Variants in TRPC5 observed in about 807,000 individuals in gnomAD.
TRPC5 encodes short transient receptor potential channel 5.
In TRPC5, 9 loss-of-function variants were observed where a neutral mutation model predicts 56.5. The ratio of observed to expected loss-of-function variants is 0.16; its 90% CI spans 0.10 to 0.28. TRPC5 has a LOEUF of 0.28. Among genes scored for constraint, TRPC5 ranks in the 10% least tolerant of loss-of-function variants. The probability of loss-of-function intolerance (pLI) is 1.00; values close to 1 mark genes in which losing one functional copy is unlikely to be tolerated. For synonymous variants in TRPC5, 282 were observed against 278.5 expected, an observed-to-expected ratio of 1.01 and a Z score of -0.13; for missense variants, 469 against 748.9, an observed-to-expected ratio of 0.63 and a Z score of 4.36.
intron 7 of TRPC5, among the ~76,000 whole-genome samples, chrX:111,811,597 G>C (rs187948336): frequency 5.4e-5 from 6 of 111,441 alleles, no homozygotes; most frequent in East Asian, 5.6e-4. Context: ...AGAGGTTTTG[G>C]GGGGGAGTCA....
In TRPC5 at chrX:111,887,720, T is replaced by A. The variant is rs1407934512; in HGVS notation, c.900+24571A>T. Among the ~76,000 whole-genome samples the A allele has an allele frequency of 1.1e-4, 12 of 111,781 alleles. No homozygotes were observed. The South Asian group carries it at 4.5e-3, about 42-fold the overall frequency. On this transcript the variant is annotated intron_variant, in intron 3 of 10. Transcript: ENST00000262839. ...ATACCATGTGAAAGCACTAGAAACA[T>A]AAAACGCTATAAAAATGTAAGGAAT...
Position 111,823,779 on chromosome X carries a change from C to CA in TRPC5, c.1896+11141dup, listed in dbSNP as rs760097421. On this transcript the variant is annotated intron_variant, in intron 7 of 10. Coordinates refer to ENST00000262839, the MANE Select transcript of TRPC5 (RefSeq NM_012471.3). ...TGGTTAGGACCTAGGGAACAGTCAGCAAGTTAGTCAACCAGGGGGAAGCAT... is the reference window on the plus strand; with the variant it reads ...TGGTTAGGACCTAGGGAACAGTCAGCAAAGTTAGTCAACCAGGGGGAAGCAT... Among the ~76,000 whole-genome samples, 5 of 111,010 alleles carry CA rather than the reference C, an allele frequency of 4.5e-5. No individual in the cohort carries two copies. The South Asian group carries it at 1.9e-3, about 43-fold the overall frequency.
chrX:111,825,719 G>A (rs1412396355), intron 7 of TRPC5, among the ~76,000 whole-genome samples: 1 of 112,034 alleles, frequency 8.9e-6, no homozygotes, highest in Non-Finnish European at 1.9e-5. Flanking sequence ...AAGAGGTAGT[G>A]TTCTTAGATC....
At chrX:112,044,011 G>T (rs1216221489) in intron 1 of TRPC5, among the ~76,000 whole-genome samples, 1 of 111,609 alleles carries the variant, frequency 9.0e-6, no homozygotes, top group Non-Finnish European at 1.9e-5. Flanking sequence ...TTATTTTCTT[G>T]AAGTTATTTT....
chrX:111,947,829 AAGAG>A lies in TRPC5; in HGVS notation c.378+4210_378+4213del, dbSNP rs766174505. ...CTAGTGATGTAATACAGCAGTGAAC[AAGAG>A]AGAGAAAGTCCTGCTCTCTTAGTAC... On this transcript the variant is annotated intron_variant, in intron 2 of 10. Coordinates refer to ENST00000262839, the MANE Select transcript of TRPC5 (RefSeq NM_012471.3). Among the ~76,000 whole-genome samples the A allele has an allele frequency of 2.7e-5, 3 of 112,014 alleles. No individual in the cohort carries two copies. In the East Asian group the frequency reaches 8.4e-4, roughly 31 times the overall value.
At chrX:111,973,467 A>G (rs1019446808) in intron 1 of TRPC5, among the ~76,000 whole-genome samples, 1 of 112,022 alleles carries the variant, frequency 8.9e-6, no homozygotes, top group Admixed American at 9.5e-5. Context: ...GAGAGAAAAA[A>G]GTGGTGAAAC....
At chrX:112,001,828 T>C (rs73266332) in intron 1 of TRPC5, among the ~76,000 whole-genome samples, 1,583 of 112,313 alleles carry the variant, frequency 0.014, 15 homozygotes, top group Middle Eastern at 0.028. Context: ...TTCACTGCTA[T>C]ATCCTAAGCA....
At chrX:112,063,003 T>C (rs915840784) in intron 1 of TRPC5, among the ~76,000 whole-genome samples, 35 of 111,618 alleles carry the variant, frequency 3.1e-4, no homozygotes, top group African/African-American at 1.1e-3. Context: ...GTGACTTAAT[T>C]ATATATATGG....
intron 7 of TRPC5, among the ~76,000 whole-genome samples, chrX:111,834,536 T>C (rs761872144): frequency 2.0e-4 from 22 of 111,502 alleles, no homozygotes; most frequent in African/African-American, 6.8e-4. Flanking sequence ...TTGTAGTGAA[T>C]AGGGAGATAG....
intron 2 of TRPC5, among the ~76,000 whole-genome samples, chrX:111,929,578 C>T (rs1926351876): frequency 8.9e-6 from 1 of 112,253 alleles, no homozygotes; most frequent in Non-Finnish European, 1.9e-5. Context: ...GACATTCCTG[C>T]CTGTGGAATT....
rs1218145200 is a variant in TRPC5 at position 111,772,848 on chromosome X, C to T, written c.*3465G>A. Among the ~76,000 whole-genome samples, 1 of 111,145 alleles carries T rather than the reference C, an allele frequency of 9.0e-6. No homozygotes were observed. The highest frequency in any genetic ancestry group is 3.3e-5 in the African/African-American group (1 of 30,596). On this transcript the variant is annotated 3_prime_UTR_variant, in exon 11 of 11. Transcript: ENST00000262839. ...ACTAAAACTATTAGTCAAAACACCACACGAGATTCACCCATGATGTAACAT... is the reference window on the plus strand; with the variant it reads ...ACTAAAACTATTAGTCAAAACACCATACGAGATTCACCCATGATGTAACAT...
At chrX:111,794,216 A>AT (rs754630562) in intron 7 of TRPC5, among the ~76,000 whole-genome samples, 155 of 111,947 alleles carry the variant, frequency 1.4e-3, no homozygotes, top group South Asian at 6.4e-3. Flanking sequence ...AGTAAGACTT[A>AT]TTTTTTTAAA....
At chrX:111,961,131 T>C (rs1927370748) in intron 1 of TRPC5, among the ~76,000 whole-genome samples, 1 of 112,369 alleles carries the variant, frequency 8.9e-6, no homozygotes, top group African/African-American at 3.2e-5. Flanking sequence ...TTTTAAATGA[T>C]AACAGTTAGG....
chrX:111,777,070 T>C, intron 10 of TRPC5, 68 bp from the exon 11 acceptor site: 1 of 906,980 alleles, frequency 1.1e-6, no homozygotes, highest in Non-Finnish European at 1.5e-6. Context: ...GCACATTAGA[T>C]ACCTTTGGTA....
At chrX:111,858,436 C>G (rs1923301748) in intron 3 of TRPC5, among the ~76,000 whole-genome samples, 1 of 108,757 alleles carries the variant, frequency 9.2e-6, no homozygotes, top group African/African-American at 3.4e-5. Context: ...AAGGTCGGCT[C>G]GACAGTCAAC....
chrX:111,934,120 T>A (rs896481017), intron 2 of TRPC5, among the ~76,000 whole-genome samples: 2 of 110,264 alleles, frequency 1.8e-5, no homozygotes, highest in Non-Finnish European at 1.9e-5. Context: ...AAAAGCTTTT[T>A]AGTTTAATGC....
chrX:111,924,301 G>A (rs1404562737), intron 2 of TRPC5, among the ~76,000 whole-genome samples: 1 of 111,454 alleles, frequency 9.0e-6, no homozygotes, highest in African/African-American at 3.3e-5. Context: ...AATGAATAAA[G>A]AAGAGGAGTT....
At chrX:112,023,004 G>A (rs778665641) in intron 1 of TRPC5, among the ~76,000 whole-genome samples, 2 of 110,163 alleles carry the variant, frequency 1.8e-5, no homozygotes, top group African/African-American at 6.6e-5. Flanking sequence ...GCGCGATCTC[G>A]GCTCACTGCA....
At chrX:111,790,109 G>C (rs1333963406) in intron 7 of TRPC5, among the ~76,000 whole-genome samples, 3 of 111,765 alleles carry the variant, frequency 2.7e-5, no homozygotes, top group East Asian at 2.8e-4. Context: ...CACATGCACA[G>C]GTATGTTTAT....
Sources: allele counts gnomAD v4.1 joint callset (sites outside exome capture counted in the v4.1 genomes callset), GRCh38; gene constraint gnomAD v4.1.1; transcripts MANE v1.5; gene names NCBI Gene and HGNC (gene_info 2026-07-23, HGNC 2026-07-21).